KIAA0513: variants seen among roughly 807,000 people sequenced by gnomAD.
KIAA0513 encodes the protein uncharacterized protein KIAA0513.
Under a neutral mutation model 56.5 loss-of-function variants are expected in KIAA0513, and 39 were observed. The ratio of observed to expected loss-of-function variants is 0.69; its 90% CI spans 0.53 to 0.90. KIAA0513 has a LOEUF of 0.90. Among genes scored for constraint, KIAA0513 ranks in the 40% least tolerant of loss-of-function variants. The pLI, the probability that KIAA0513 is intolerant of heterozygous loss-of-function variation, is 0.00. For synonymous variants in KIAA0513, 268 were observed against 215.6 expected, an observed-to-expected ratio of 1.24 and a Z score of -2.13; for missense variants, 591 against 535.2, an observed-to-expected ratio of 1.10 and a Z score of -1.03.
chr16:85,068,892 A>G (rs1375776648), intron 2 of KIAA0513, among the ~76,000 whole-genome samples: 1 of 152,162 alleles, frequency 6.6e-6, no homozygotes, highest in East Asian at 1.9e-4. Flanking sequence ...CCATCTGAGC[A>G]TGTGTAGGCT....
chr16:85,087,082 C>G lies in KIAA0513; in HGVS notation c.1102C>G (p.His368Asp), dbSNP rs576092685. 6.2e-7 allele frequency: 1 copy of G among 1,614,160 alleles called. No homozygotes were observed. The change falls in exon 12 of 13, where the codon CAC (histidine) becomes GAC (aspartate). Residue 368 changes from histidine (H) to aspartate (D), a missense_variant. Transcript: ENST00000683363. ...ITFGQLGTFT[H>D]NMLAFGLNKK... ...GGGTTTCTCCTGCAGCACATTCACG[C>G]ACAACATGCTGGCCTTTGGACTGAA... is the stretch of plus-strand genomic sequence containing the variant.
At chr16:85,049,068 A>G (rs1325075120) in intron 1 of KIAA0513, among the ~76,000 whole-genome samples, 1 of 152,224 alleles carries the variant, frequency 6.6e-6, no homozygotes, top group African/African-American at 2.4e-5. Flanking sequence ...GTTGCTTTGC[A>G]CGGTGGCCAT....
At chr16:85,042,093 A>G (rs1238127337) in intron 1 of KIAA0513, among the ~76,000 whole-genome samples, 1 of 152,092 alleles carries the variant, frequency 6.6e-6, no homozygotes, top group Non-Finnish European at 1.5e-5. Flanking sequence ...TTTTGTTCCC[A>G]CTTGTTTGCA....
At chr16:85,054,421 CTTTTTT>C (rs398042273) in intron 1 of KIAA0513, among the ~76,000 whole-genome samples, 5 of 119,550 alleles carry the variant, frequency 4.2e-5, no homozygotes, top group African/African-American at 1.6e-4. Flanking sequence ...TTTTTCTTTT[CTTTTTT>C]TTTTTTTTTT....
intron 1 of KIAA0513, among the ~76,000 whole-genome samples, chr16:85,054,311 A>G (rs1392620961): frequency 3.3e-5 from 5 of 152,232 alleles, no homozygotes; most frequent in Non-Finnish European, 5.9e-5. Context: ...AATATAAGCA[A>G]AATAAATTGG....
chr16:85,044,003 C>G (rs556654233), intron 1 of KIAA0513, among the ~76,000 whole-genome samples: 4 of 152,268 alleles, frequency 2.6e-5, no homozygotes, highest in Non-Finnish European at 5.9e-5. Flanking sequence ...GCACTCCAGC[C>G]TGGGCAACAA....
chr16:85,048,471 G>A (rs529154373), intron 1 of KIAA0513, among the ~76,000 whole-genome samples: 6 of 152,268 alleles, frequency 3.9e-5, no homozygotes, highest in African/African-American at 1.4e-4. Flanking sequence ...AAAGAATTTA[G>A]TGTCTCAAAG....
chr16:85,058,102 G>T (rs1481088343), intron 1 of KIAA0513, among the ~76,000 whole-genome samples: 1 of 152,188 alleles, frequency 6.6e-6, no homozygotes, highest in African/African-American at 2.4e-5. Flanking sequence ...TGCTATTTTG[G>T]TTATCAAATC....
Position 85,072,911 on chromosome 16 carries a change from C to T in KIAA0513, c.430-14C>T. ...CCCTGAACCTCAATGATGTGTCTGC[C>T]TCTTTCTGGACAGCGCTGCAACTCC... On this transcript the variant is annotated splice_polypyrimidine_tract_variant and intron_variant, in intron 3 of 12. Transcript: ENST00000683363. The T allele has an allele frequency of 6.2e-7, 1 of 1,613,916 alleles. No individual in the cohort carries two copies. The highest frequency in any genetic ancestry group is 2.2e-5 in the East Asian group (1 of 44,886).
At chr16:85,057,047 A>C (rs778772514) in intron 1 of KIAA0513, among the ~76,000 whole-genome samples, 2 of 152,144 alleles carry the variant, frequency 1.3e-5, no homozygotes, top group Non-Finnish European at 2.9e-5. Context: ...ACAGTGTCTG[A>C]AGACTGAGTC....
In KIAA0513 at chr16:85,091,356, C is replaced by T. The variant is rs182693453; in HGVS notation, c.*3031C>T. ...ATAGATTGCATCTGCCCTGTGCATG[C>T]GCATGTTTAACCACAGGCCAGAGAA... On this transcript the variant is annotated 3_prime_UTR_variant, in exon 13 of 13. Coordinates refer to ENST00000683363, the MANE Select transcript of KIAA0513 (RefSeq NM_001388359.1). 1.3e-5 allele frequency: 2 copies of T among 152,244 alleles called. No homozygotes were observed. Among genetic ancestry groups the T allele is most frequent in the East Asian group, 1.9e-4 (1 of 5,182 alleles). The allele number at this position is 152,244 out of a possible 1,614,324, so 9.4% of individuals were successfully genotyped here.
chr16:85,088,851 A>G lies in KIAA0513; in HGVS notation c.*526A>G, dbSNP rs1399311107. On this transcript the variant is annotated 3_prime_UTR_variant, in exon 13 of 13. Coordinates refer to ENST00000683363, the MANE Select transcript of KIAA0513 (RefSeq NM_001388359.1). ...CTGTGGCTGGTCCTCACTATTCCCC[A>G]GTCTCCCGCTGTGGGGCAGGAACAG... 6.5e-6 allele frequency: 1 copy of G among 154,022 alleles called. No individual in the cohort carries two copies. Among genetic ancestry groups the G allele is most frequent in the Non-Finnish European group, 1.4e-5 (1 of 69,226 alleles). The allele number at this position is 154,022 out of a possible 1,614,324, so 9.5% of individuals were successfully genotyped here.
chr16:85,065,238 A>G (rs1018916359), intron 1 of KIAA0513, among the ~76,000 whole-genome samples: 15 of 152,152 alleles, frequency 9.9e-5, no homozygotes, highest in African/African-American at 2.2e-4. Flanking sequence ...TTCTGATCCA[A>G]TCTTGATGCC....
chr16:85,051,235 T>C (rs1235499956), intron 1 of KIAA0513, among the ~76,000 whole-genome samples: 1 of 152,196 alleles, frequency 6.6e-6, no homozygotes, highest in African/African-American at 2.4e-5. Context: ...CGTTTTATTC[T>C]CCCACTGGGT....
intron 1 of KIAA0513, among the ~76,000 whole-genome samples, chr16:85,029,348 T>A (rs964946518): frequency 8.5e-5 from 13 of 152,242 alleles, no homozygotes; most frequent in African/African-American, 2.9e-4. Context: ...GTATGGGATG[T>A]GTCAGTTAGT....
rs537023412 is a variant in KIAA0513, at chr16:85,058,374, C to G, written c.-172-8526C>G. Among the ~76,000 whole-genome samples the G allele has an allele frequency of 3.3e-5, 5 of 152,316 alleles. 1 individual carries two copies. Among genetic ancestry groups the G allele is most frequent in the Admixed American group, 3.3e-4 (5 of 15,304 alleles). On this transcript the variant is annotated intron_variant, in intron 1 of 12. Coordinates refer to ENST00000683363, the MANE Select transcript of KIAA0513 (RefSeq NM_001388359.1). ...TCTTTTAAAGAAATGCCTGTTTTGG[C>G]CGGACGCGTTGGCTCATGCCTATAA...
In KIAA0513 at chr16:85,041,276, C is replaced by T. The variant is rs564083193; in HGVS notation, c.-173+13418C>T. Among the ~76,000 whole-genome samples the T allele has an allele frequency of 4.6e-5, 7 of 152,278 alleles. No individual in the cohort carries two copies. In the East Asian group the frequency reaches 1.4e-3, roughly 29 times the overall value. Reference sequence around the variant, plus strand: ...AAACCACCTCACGCCTGTCACTTCGCGCCAACTGTTTCCTCTGTCCGGAAT... The same window carrying T: ...AAACCACCTCACGCCTGTCACTTCGTGCCAACTGTTTCCTCTGTCCGGAAT... On this transcript the variant is annotated intron_variant, in intron 1 of 12. Transcript: ENST00000683363.
chr16:85,082,553 T>A lies in KIAA0513; in HGVS notation c.981-11T>A, dbSNP rs767866248. Reference sequence around the variant, plus strand: ...TGTTCCTTTGTTTACCTGTTTCTGCTGCCGCTCCAGAGGGGATGCTGGAGA... The same window carrying A: ...TGTTCCTTTGTTTACCTGTTTCTGCAGCCGCTCCAGAGGGGATGCTGGAGA... On this transcript the variant is annotated splice_polypyrimidine_tract_variant and intron_variant, in intron 9 of 12. Coordinates refer to ENST00000683363, the MANE Select transcript of KIAA0513 (RefSeq NM_001388359.1). The A allele has an allele frequency of 6.2e-7, 1 of 1,613,994 alleles. No individual in the cohort carries two copies. Among genetic ancestry groups the A allele is most frequent in the South Asian group, 1.1e-5 (1 of 91,084 alleles).
intron 1 of KIAA0513, among the ~76,000 whole-genome samples, chr16:85,032,682 G>A (rs1347340448): frequency 6.6e-6 from 1 of 151,770 alleles, no homozygotes; most frequent in Non-Finnish European, 1.5e-5. Flanking sequence ...CCAGGCTGGA[G>A]TGCGGTGGCA....
Sources: gnomAD v4.1 joint callset for allele counts (sites outside exome capture counted in the v4.1 genomes callset) on GRCh38, gnomAD v4.1.1 for gene constraint, MANE v1.5 for transcripts, NCBI Gene and HGNC (gene_info 2026-07-23, HGNC 2026-07-21) for gene names.